The following STK32B variants were observed in gnomAD, a reference collection of about 807,000 sequenced individuals.
The protein encoded by STK32B is serine/threonine-protein kinase 32B.
A neutral mutation model predicts 52.6 loss-of-function variants in STK32B; 43 were observed. The observed-to-expected ratio is 0.82, with a 90% CI of 0.64 to 1.05. The LOEUF (loss-of-function observed/expected upper bound fraction) is 1.05, where lower values mean the gene tolerates loss of function less well. Among genes scored for constraint, STK32B ranks in the 50% least tolerant of loss-of-function variants. STK32B has a pLI of 0.00. For synonymous variants in STK32B, 238 were observed against 204.3 expected, an observed-to-expected ratio of 1.17 and a Z score of -1.41; for missense variants, 621 against 534.6, an observed-to-expected ratio of 1.16 and a Z score of -1.59.
At chr4:5,333,117 G>A (rs1168228870) in intron 4 of STK32B, among the ~76,000 whole-genome samples, 1 of 151,958 alleles carries the variant, frequency 6.6e-6, no homozygotes, top group Non-Finnish European at 1.5e-5. Context: ...CACCAACAGT[G>A]TAAAAGTGTT....
intron 3 of STK32B, among the ~76,000 whole-genome samples, chr4:5,205,309 A>G (rs1215131335): frequency 3.9e-5 from 6 of 152,148 alleles, no homozygotes; most frequent in African/African-American, 9.7e-5. Flanking sequence ...TGGTGGGACT[A>G]TGGAGGCAGT....
intron 6 of STK32B, among the ~76,000 whole-genome samples, chr4:5,441,582 G>T (rs1328241570): frequency 2.0e-5 from 3 of 151,430 alleles, no homozygotes; most frequent in African/African-American, 7.3e-5. Context: ...TTTTTGAAGG[G>T]TTTTTTGTGT....
intron 2 of STK32B, chr4:5,140,253 C>A (rs1340903566): frequency 1.4e-6 from 2 of 1,420,868 alleles, no homozygotes; most frequent in East Asian, 6.7e-5. Context: ...GAAAAAAAAC[C>A]CATAAACATC....
intron 1 of STK32B, among the ~76,000 whole-genome samples, chr4:5,081,972 C>T (rs988008466): frequency 6.6e-6 from 1 of 152,154 alleles, no homozygotes; most frequent in African/African-American, 2.4e-5. Context: ...TTCTGGCACC[C>T]TTGCCTTTCT....
intron 1 of STK32B, among the ~76,000 whole-genome samples, chr4:5,122,865 G>C (rs150913515): frequency 6.6e-6 from 1 of 151,988 alleles, no homozygotes; most frequent in Non-Finnish European, 1.5e-5. Context: ...CCAGCTCTCT[G>C]TGCACCCCTT....
chr4:5,352,176 C>T (rs1024703415), intron 4 of STK32B, among the ~76,000 whole-genome samples: 2 of 151,896 alleles, frequency 1.3e-5, no homozygotes, highest in Admixed American at 1.3e-4. Context: ...TTCCTGATGA[C>T]CTTAGACGTA....
intron 3 of STK32B, among the ~76,000 whole-genome samples, chr4:5,193,000 A>G (rs1035869503): frequency 6.6e-6 from 1 of 152,096 alleles, no homozygotes; most frequent in Non-Finnish European, 1.5e-5. Flanking sequence ...CCTGTCGGCA[A>G]TGGGGGGATG....
At chr4:5,343,912 A>C (rs1386257885) in intron 4 of STK32B, among the ~76,000 whole-genome samples, 1 of 152,190 alleles carries the variant, frequency 6.6e-6, no homozygotes, top group African/African-American at 2.4e-5. Flanking sequence ...AATTTCTCTT[A>C]AGTTTTGCAT....
intron 4 of STK32B, among the ~76,000 whole-genome samples, chr4:5,332,940 G>A (rs1207351213): frequency 1.3e-5 from 2 of 152,098 alleles, no homozygotes; most frequent in South Asian, 2.1e-4. Flanking sequence ...ATTGTGAATA[G>A]TGCCGCAATA....
In STK32B at chr4:5,469,529, G is replaced by A. The variant is rs1471384491; in HGVS notation, c.1106+1459G>A. Among the ~76,000 whole-genome samples the A allele has an allele frequency of 6.6e-6, 1 of 152,196 alleles. No individual in the cohort carries two copies. The highest frequency in any genetic ancestry group is 2.4e-5 in the African/African-American group (1 of 41,460). Reference sequence around the variant, plus strand: ...TAGAGAGTGAGGAGAGGTGAGGGATGGGGCAGGGATGGGTGTTTGGGTTCC... The same window carrying A: ...TAGAGAGTGAGGAGAGGTGAGGGATAGGGCAGGGATGGGTGTTTGGGTTCC... On this transcript the variant is annotated intron_variant, in intron 11 of 11. Coordinates refer to ENST00000282908, the MANE Select transcript of STK32B (RefSeq NM_018401.3). The surrounding 1 kb of genome is among the most constrained non-coding windows in gnomAD (Gnocchi z 4.7).
At chr4:5,312,582 C>T (rs1051724569) in intron 3 of STK32B, among the ~76,000 whole-genome samples, 1 of 151,944 alleles carries the variant, frequency 6.6e-6, no homozygotes, top group African/African-American at 2.4e-5. Context: ...TGATGATTTC[C>T]AATTTCATCC....
chr4:5,177,471 A>G (rs868768603), intron 3 of STK32B, among the ~76,000 whole-genome samples: 25 of 152,256 alleles, frequency 1.6e-4, no homozygotes, highest in African/African-American at 5.3e-4. Context: ...GCCAAACCAT[A>G]TCATTCTGCC....
At chr4:5,176,048 G>C (rs945872089) in intron 3 of STK32B, among the ~76,000 whole-genome samples, 2 of 152,228 alleles carry the variant, frequency 1.3e-5, no homozygotes, top group African/African-American at 4.8e-5. Flanking sequence ...TTAGATCTCA[G>C]ACTGCTGTGC....
intron 7 of STK32B, among the ~76,000 whole-genome samples, chr4:5,452,115 G>T (rs1285266552): frequency 1.3e-5 from 2 of 152,186 alleles, no homozygotes; most frequent in African/African-American, 4.8e-5. Context: ...TCCACATTCT[G>T]TGCTTCTTGG....
At position 5,369,328 on chromosome 4, in the gene STK32B, A is replaced by G. The variant is rs370146140; in HGVS notation, c.435-28879A>G. On this transcript the variant is annotated intron_variant, in intron 4 of 11. Coordinates refer to ENST00000282908, the MANE Select transcript of STK32B (RefSeq NM_018401.3). ...AAATCATTTACCTCTAGATTTCTACATGAGAGAGACATAAATTTCTTCCTT... is the reference window on the plus strand; with the variant it reads ...AAATCATTTACCTCTAGATTTCTACGTGAGAGAGACATAAATTTCTTCCTT... 5.3e-5 allele frequency among the ~76,000 whole-genome samples: 8 copies of G among 152,084 alleles called. No homozygotes were observed. The South Asian group carries it at 8.3e-4, about 16-fold the overall frequency.
At chr4:5,498,760 C>G (rs1251978581) in intron 11 of STK32B, among the ~76,000 whole-genome samples, 185 bp from the exon 12 acceptor site, 3 of 152,248 alleles carry the variant, frequency 2.0e-5, no homozygotes, top group African/African-American at 4.8e-5. Context: ...CTGAGCTGCG[C>G]TTTGATCCGA....
chr4:5,387,179 C>T (rs115512654), intron 4 of STK32B, among the ~76,000 whole-genome samples: 1,569 of 152,358 alleles, frequency 0.01, 7 homozygotes, highest in Non-Finnish European at 0.017. Flanking sequence ...GCCTGAGCCC[C>T]AAGCCAGGAC....
intron 6 of STK32B, among the ~76,000 whole-genome samples, chr4:5,444,319 G>A (rs1051429269): frequency 6.6e-5 from 10 of 152,208 alleles, no homozygotes; most frequent in Non-Finnish European, 1.3e-4. Flanking sequence ...CGTTTTTTAA[G>A]CCCGTCGGAA....
At chr4:5,325,438 T>C (rs1396806483) in intron 3 of STK32B, among the ~76,000 whole-genome samples, 1 of 152,152 alleles carries the variant, frequency 6.6e-6, no homozygotes, top group East Asian at 1.9e-4. Context: ...CAGGGAAGCA[T>C]ACAGGATCTT....
Sources: gnomAD v4.1 joint callset for allele counts (sites outside exome capture counted in the v4.1 genomes callset) on GRCh38, gnomAD v4.1.1 for gene constraint, Gnocchi (gnomAD v3.1) non-coding constraint, MANE v1.5 for transcripts, NCBI Gene and HGNC (gene_info 2026-07-23, HGNC 2026-07-21) for gene names.